The following DPM1 variants were observed in gnomAD, a reference collection of about 807,000 sequenced individuals.
The protein encoded by DPM1 is dolichol-phosphate mannosyltransferase subunit 1.
DPM1 carries 27 observed loss-of-function variants against 39.0 expected under a neutral mutation model. The observed-to-expected ratio is 0.69, with a 90% CI of 0.51 to 0.95. The LOEUF is 0.95. Ranked by LOEUF, DPM1 falls within the 40% of genes least tolerant of loss-of-function variation. The pLI is 0.00. For missense variants in DPM1, 307 were observed against 315.6 expected (o/e 0.97, Z 0.21); for synonymous variants, 124 against 109.0 (o/e 1.14, Z -0.86).
chr20:50,938,861 C>T (rs532343402), intron 7 of DPM1, among the ~76,000 whole-genome samples: 166 of 151,822 alleles, frequency 1.1e-3, no homozygotes, highest in Non-Finnish European at 1.7e-3. Flanking sequence ...CGCCTGTAAT[C>T]CCAGCTACTC....
chr20:50,944,942 G>A (rs1327367171), intron 5 of DPM1: 2 of 152,076 alleles, frequency 1.3e-5, no homozygotes, highest in African/African-American at 4.8e-5. Context: ...ATTAGGACTG[G>A]GTTATTTTTA....
chr20:50,941,212 AC>A, intron 6 of DPM1: 1 of 279,778 alleles, frequency 3.6e-6, no homozygotes. Context: ...CTCCATCACT[AC>A]AAAAAAAAAA....
At chr20:50,952,066 G>T (rs1275031105) in intron 2 of DPM1, among the ~76,000 whole-genome samples, 3 of 152,068 alleles carry the variant, frequency 2.0e-5, no homozygotes, top group African/African-American at 7.2e-5. Flanking sequence ...CACAATGCCT[G>T]GGTTTGAATC....
intron 3 of DPM1, among the ~76,000 whole-genome samples, chr20:50,946,537 A>T (rs745919991): frequency 9.2e-5 from 14 of 152,168 alleles, no homozygotes; most frequent in Non-Finnish European, 1.5e-4. Flanking sequence ...AAACATTTCA[A>T]TTCCCTTTTT....
chr20:50,941,079 G>T, intron 6 of DPM1, 146 bp from the exon 7 acceptor site: 1 of 942,988 alleles, frequency 1.1e-6, no homozygotes, highest in South Asian at 1.6e-5. Flanking sequence ...GAACAAAATA[G>T]AAATTTTTAG....
At chr20:50,941,333 TA>T (rs1164867669) in intron 6 of DPM1, 2 of 141,318 alleles carry the variant, frequency 1.4e-5, no homozygotes, top group African/African-American at 7.0e-5. Flanking sequence ...TATATTCATA[TA>T]TATTCGTATT....
intron 5 of DPM1, among the ~76,000 whole-genome samples, chr20:50,944,088 C>T (rs1384219520): frequency 6.6e-6 from 1 of 152,202 alleles, no homozygotes; most frequent in Non-Finnish European, 1.5e-5. Context: ...AATTTGAACA[C>T]ATATTTTCCA....
intron 7 of DPM1, among the ~76,000 whole-genome samples, chr20:50,939,865 G>A (rs1295960958): frequency 3.9e-5 from 6 of 152,106 alleles, no homozygotes; most frequent in Middle Eastern, 3.2e-3. Context: ...CACATGCCTC[G>A]GCCTCCCAAA....
chr20:50,942,043 CT>C lies in DPM1; in HGVS notation c.481del (p.Arg161GlufsTer3). 1 of 1,613,664 alleles carries C rather than the reference CT, an allele frequency of 6.2e-7. No individual in the cohort carries two copies. The highest frequency in any genetic ancestry group is 1.1e-5 in the South Asian group (1 of 91,070). ...NGGVYGWDLK[R>X]KIISRGANFL... The stretch of plus-strand genomic sequence containing the variant: ...CACATGTACCTACCTGATTATTTTT[CT>C]TTTCAAATCCCAGCCATATACACCT... On this transcript the variant is annotated frameshift_variant, in exon 6 of 9. Transcript: ENST00000371588. LOFTEE classifies it high-confidence loss of function.
Position 50,958,530 on chromosome 20 carries a change from A to C in DPM1, c.-7T>G. The C allele has an allele frequency of 6.2e-7, 1 of 1,613,348 alleles. No homozygotes were observed. Among genetic ancestry groups the C allele is most frequent in the Non-Finnish European group, 8.5e-7 (1 of 1,179,970 alleles). ...TGACTTCCAAGGAGGCCATGGCGGA[A>C]CTGAGCCAGATGCCGGAAGCGGAAT... is the stretch of plus-strand genomic sequence containing the variant. On this transcript the variant is annotated 5_prime_UTR_variant, in exon 1 of 9. Transcript: ENST00000371588.
chr20:50,941,090 T>C (rs965216142), intron 6 of DPM1, 157 bp from the exon 7 acceptor site: 1 of 866,274 alleles, frequency 1.2e-6, no homozygotes, highest in Non-Finnish European at 1.8e-6. Context: ...AAATTTTTAG[T>C]CAATGAAAGG....
At chr20:50,948,781 T>C in intron 2 of DPM1, 119 bp from the exon 3 acceptor site, 2 of 923,792 alleles carry the variant, frequency 2.2e-6, no homozygotes, top group Non-Finnish European at 3.5e-6. Context: ...TTGTTAGAAC[T>C]TAAAGCAAAG....
chr20:50,938,777 C>G (rs1985446513), intron 7 of DPM1, among the ~76,000 whole-genome samples: 1 of 150,816 alleles, frequency 6.6e-6, no homozygotes, highest in South Asian at 2.1e-4. Context: ...GTCGGGAGTT[C>G]AAGACCAGCC....
In DPM1 at chr20:50,938,550, T is replaced by A. The variant is rs576791939; in HGVS notation, c.564-2288A>T. Among the ~76,000 whole-genome samples the A allele has an allele frequency of 2.4e-4, 36 of 151,496 alleles. 1 individual carries two copies. Among genetic ancestry groups the A allele is most frequent in the Middle Eastern group, 6.8e-3 (2 of 294 alleles). On this transcript the variant is annotated intron_variant, in intron 7 of 8. Coordinates refer to ENST00000371588, the MANE Select transcript of DPM1 (RefSeq NM_003859.3). ...GGCGCCCGCCACCACGCCCGGCTAA[T>A]TTTTTGTATTTTTAGTAGACGGGGT...
intron 7 of DPM1, among the ~76,000 whole-genome samples, chr20:50,939,551 C>T (rs1049507551): frequency 1.3e-5 from 2 of 151,914 alleles, no homozygotes; most frequent in Non-Finnish European, 1.5e-5. Context: ...AGGATGGTCT[C>T]GATCTCCTGA....
intron 2 of DPM1, among the ~76,000 whole-genome samples, chr20:50,949,970 G>A (rs1049779433): frequency 3.3e-5 from 5 of 152,070 alleles, no homozygotes; most frequent in African/African-American, 7.2e-5. Context: ...GGTAATTACC[G>A]ACATGTAATG....
At chr20:50,937,497 C>CA (rs1166357019) in intron 7 of DPM1, among the ~76,000 whole-genome samples, 1 of 151,308 alleles carries the variant, frequency 6.6e-6, no homozygotes, top group Non-Finnish European at 1.5e-5. Flanking sequence ...CTTAAAAACT[C>CA]AATGAAGATA....
Position 50,947,666 on chromosome 20 carries a change from A to G in DPM1, c.295+963T>C, listed in dbSNP as rs543392723. On this transcript the variant is annotated intron_variant, in intron 3 of 8. Coordinates refer to ENST00000371588, the MANE Select transcript of DPM1 (RefSeq NM_003859.3). Reference sequence around the variant, plus strand: ...TTAAAAATAAAGAATAACTGTTTTTATCACTAGGCTGGAGTGCAGTGGTGT... The same window carrying G: ...TTAAAAATAAAGAATAACTGTTTTTGTCACTAGGCTGGAGTGCAGTGGTGT... Among the ~76,000 whole-genome samples the G allele has an allele frequency of 2.8e-4, 42 of 152,300 alleles. 1 individual carries two copies. Among genetic ancestry groups the G allele is most frequent in the African/African-American group, 8.2e-4 (34 of 41,576 alleles).
intron 2 of DPM1, among the ~76,000 whole-genome samples, chr20:50,951,678 C>T: frequency 6.6e-6 from 1 of 152,032 alleles, no homozygotes; most frequent in East Asian, 1.9e-4. Context: ...ATCCCAGCTA[C>T]TCGGGAGGCT....
Sources: gnomAD v4.1 joint callset for allele counts (sites outside exome capture counted in the v4.1 genomes callset) on GRCh38, gnomAD v4.1.1 for gene constraint, MANE v1.5 for transcripts, NCBI Gene and HGNC (gene_info 2026-07-23, HGNC 2026-07-21) for gene names.